METTL15: variants seen among roughly 807,000 people sequenced by gnomAD.
The protein encoded by METTL15 is methyltransferase 15, mitochondrial 12S rRNA N4-cytidine.
In METTL15, 34 loss-of-function variants were observed where a neutral mutation model predicts 38.3. The ratio of observed to expected loss-of-function variants is 0.89; its 90% confidence interval spans 0.68 to 1.18. The LOEUF (loss-of-function observed/expected upper bound fraction) is 1.18. Among genes scored for constraint, METTL15 ranks in the 50% most tolerant of loss-of-function variants. The probability of loss-of-function intolerance (pLI) is 0.00; values close to 1 mark genes in which losing one functional copy is unlikely to be tolerated. For missense variants in METTL15, 438 were observed against 498.4 expected, an observed-to-expected ratio of 0.88 and a Z score of 1.15; for synonymous variants, 162 against 170.9, an observed-to-expected ratio of 0.95 and a Z score of 0.41.
chr11:28,375,991 T>G (rs1850306789), intron 5 of METTL15, among the ~76,000 whole-genome samples: 1 of 152,222 alleles, frequency 6.6e-6, no homozygotes, highest in Admixed American at 6.5e-5. Flanking sequence ...GTAAGATTCT[T>G]AATCCTAAGT....
In METTL15 at chr11:28,354,569, A is replaced by G. The variant is rs563209996; in HGVS notation, c.*258+2411A>G. The stretch of plus-strand genomic sequence containing the variant: ...TTGAATTGGTCTGAGAGTACAGAGA[A>G]TAGAGATCTGGCAGTATGGCTTGAG... On this transcript the variant is annotated intron_variant and NMD_transcript_variant, in intron 4 of 7. Coordinates refer to the METTL15 transcript ENST00000532947. Among the ~76,000 whole-genome samples the G allele has an allele frequency of 4.9e-3, 753 of 152,268 alleles. 3 individuals are homozygous for G. Among genetic ancestry groups the G allele is most frequent in the Non-Finnish European group, 9.1e-3 (620 of 68,022 alleles).
chr11:28,188,615 T>A (rs1270268289), intron 3 of METTL15, among the ~76,000 whole-genome samples: 1 of 151,238 alleles, frequency 6.6e-6, no homozygotes, highest in East Asian at 1.9e-4. Context: ...CAAAAATTGA[T>A]ATATATCGTA....
At chr11:28,525,462 A>C (rs2133516549) in intron 6 of METTL15, among the ~76,000 whole-genome samples, 1 of 152,266 alleles carries the variant, frequency 6.6e-6, no homozygotes, top group South Asian at 2.1e-4. Flanking sequence ...TGGTGCATTT[A>C]CAACCTTGAG....
intron 5 of METTL15, among the ~76,000 whole-genome samples, chr11:28,388,202 T>A: frequency 6.6e-6 from 1 of 152,118 alleles, no homozygotes; most frequent in East Asian, 1.9e-4. Context: ...GTGCTGGAAG[T>A]CTTAGCCAGA....
chr11:28,252,035 CTTCAAATTTGCTTCTACAAAT>C (rs1025142511), intron 4 of METTL15, among the ~76,000 whole-genome samples: 2 of 152,066 alleles, frequency 1.3e-5, no homozygotes, highest in Non-Finnish European at 2.9e-5. Context: ...GCTGGCCTAA[CTTCAAATTTGCTTCTACAAAT>C]TCATTTGCTC....
chr11:28,148,067 A>G (rs1242007066), intron 3 of METTL15, among the ~76,000 whole-genome samples: 3 of 151,828 alleles, frequency 2.0e-5, no homozygotes, highest in Non-Finnish European at 4.4e-5. Context: ...TTGCTCATAG[A>G]TTGGCCAGAA....
At chr11:28,148,516 G>A (rs1321119212) in intron 3 of METTL15, among the ~76,000 whole-genome samples, 1 of 151,690 alleles carries the variant, frequency 6.6e-6, no homozygotes, top group Non-Finnish European at 1.5e-5. Flanking sequence ...TGTTCTATCA[G>A]CATTATTTAA....
intron 4 of METTL15, among the ~76,000 whole-genome samples, chr11:28,224,750 C>T (rs1441350120): frequency 6.6e-6 from 1 of 151,734 alleles, no homozygotes; most frequent in Admixed American, 6.6e-5. Context: ...TAATAAATAG[C>T]GAATATCTGA....
intron 6 of METTL15, among the ~76,000 whole-genome samples, chr11:28,524,023 T>C (rs1403439728): frequency 6.6e-6 from 1 of 152,234 alleles, no homozygotes; most frequent in African/African-American, 2.4e-5. Context: ...TGATCTAACG[T>C]GTCAATGGTG....
intron 5 of METTL15, among the ~76,000 whole-genome samples, chr11:28,416,118 G>A (rs951459285): frequency 6.6e-6 from 1 of 152,226 alleles, no homozygotes; most frequent in African/African-American, 2.4e-5. Context: ...TCTCACCCAA[G>A]CGTAGTACCT....
At chr11:28,413,912 C>T (rs1380608852) in intron 5 of METTL15, among the ~76,000 whole-genome samples, 5 of 152,054 alleles carry the variant, frequency 3.3e-5, no homozygotes, top group Admixed American at 6.6e-5. Flanking sequence ...ATTTATGTTC[C>T]GTATCATGTA....
At chr11:28,184,902 A>G (rs1237631034) in intron 3 of METTL15, among the ~76,000 whole-genome samples, 1 of 151,508 alleles carries the variant, frequency 6.6e-6, no homozygotes, top group Non-Finnish European at 1.5e-5. Flanking sequence ...TATCCAAGGA[A>G]AATACCAGAT....
intron 6 of METTL15, among the ~76,000 whole-genome samples, chr11:28,301,724 G>T (rs1007620807): frequency 4.6e-5 from 7 of 151,866 alleles, no homozygotes; most frequent in Non-Finnish European, 8.8e-5. Flanking sequence ...TTTAAATGTG[G>T]CTATAGAAAA....
chr11:28,294,351 A>C (rs1336810076), intron 5 of METTL15, among the ~76,000 whole-genome samples: 2 of 152,180 alleles, frequency 1.3e-5, no homozygotes, highest in Non-Finnish European at 2.9e-5. Flanking sequence ...TCCAGGCCAA[A>C]AAATGTGGCC....
chr11:28,130,238 G>A (rs1323629906), intron 3 of METTL15, among the ~76,000 whole-genome samples: 1 of 152,108 alleles, frequency 6.6e-6, no homozygotes, highest in Non-Finnish European at 1.5e-5. Context: ...ACGAGCCCTG[G>A]AGGTCAAGGC....
chr11:28,214,130 CT>C (rs1396649089), intron 4 of METTL15, among the ~76,000 whole-genome samples: 2 of 152,028 alleles, frequency 1.3e-5, no homozygotes, highest in Non-Finnish European at 2.9e-5. Flanking sequence ...GCAGCCTCTG[CT>C]TCCTGGGCTC....
intron 6 of METTL15, among the ~76,000 whole-genome samples, chr11:28,484,553 A>G (rs1432379871): frequency 6.6e-6 from 1 of 152,050 alleles, no homozygotes; most frequent in African/African-American, 2.4e-5. Flanking sequence ...CAGTCTCTAT[A>G]TAGGCCATCT....
downstream of METTL15, among the ~76,000 whole-genome samples, chr11:28,528,374 T>C (rs2133519507): frequency 6.6e-6 from 1 of 152,320 alleles, no homozygotes; most frequent in Middle Eastern, 3.4e-3. Context: ...CCAAACATAA[T>C]AAAACAGCAT....
chr11:28,242,209 A>G (rs184663272), intron 4 of METTL15, among the ~76,000 whole-genome samples: 7 of 152,328 alleles, frequency 4.6e-5, no homozygotes, highest in East Asian at 1.9e-4. Context: ...TTATTTGTCA[A>G]TCATTATTAA....
Sources: gnomAD v4.1 joint callset for allele counts (sites outside exome capture counted in the v4.1 genomes callset) on GRCh38, gnomAD v4.1.1 for gene constraint, MANE v1.5 for transcripts, NCBI Gene and HGNC (gene_info 2026-07-23, HGNC 2026-07-21) for gene names.